Variants in PRH1 observed in about 807,000 individuals in gnomAD.
PRH1 encodes the protein proline rich protein HaeIII subfamily 1, also known as salivary acidic proline-rich phosphoprotein 1/2.
In PRH1, 7 loss-of-function variants were observed where a neutral mutation model predicts 7.9. That is an observed-to-expected ratio of 0.89 (90% CI 0.50 to 1.67). The LOEUF is 1.67. Among genes scored for constraint, PRH1 ranks in the 40% most tolerant of loss-of-function variants. The probability of loss-of-function intolerance (pLI) is 0.00; values close to 1 mark genes in which losing one functional copy is unlikely to be tolerated. For missense variants in PRH1, 109 were observed against 223.6 expected (o/e 0.49, Z 3.27); for synonymous variants, 45 against 80.8 (o/e 0.56, Z 2.38).
intron 1 of PRH1, among the ~76,000 whole-genome samples, chr12:11,076,325 T>C (rs1337278611): frequency 1.8e-5 from 2 of 110,716 alleles, no homozygotes; most frequent in Non-Finnish European, 4.2e-5. Context: ...AATATATAGA[T>C]TTCACAGATA....
chr12:11,075,759 G>C (rs1280233988), intron 1 of PRH1, among the ~76,000 whole-genome samples: 1 of 143,824 alleles, frequency 7.0e-6, no homozygotes, highest in African/African-American at 2.5e-5. Flanking sequence ...TCTGAGAAAT[G>C]CTTCTTCTTT....
Position 11,162,743 on chromosome 12 carries a change from G to A in PRH1, n.39+8679C>T, listed in dbSNP as rs538547955. Among the ~76,000 whole-genome samples the A allele has an allele frequency of 3.3e-5, 5 of 152,268 alleles. No homozygotes were observed. The East Asian group carries it at 9.7e-4, about 29-fold the overall frequency. On this transcript the variant is annotated intron_variant and non_coding_transcript_variant, in intron 1 of 1. Transcript: ENST00000541175. ...CTGAGTTCTTGCCACTGGAGCTTGA[G>A]AAGTGATGTGTGAAAACTCTATGTC...
chr12:10,928,050 T>C lies in PRH1; in HGVS notation c.-58-43775A>G, dbSNP rs576068377. On this transcript the variant is annotated intron_variant, in intron 2 of 3. Transcript: ENST00000539853. ...GTACCATACACCATTGCTTAGAAGA[T>C]TAAATAAATGTCATCTCCCACAAGT... 2.6e-5 allele frequency among the ~76,000 whole-genome samples: 4 copies of C among 152,166 alleles called. No homozygotes were observed. The East Asian group carries it at 5.8e-4, about 22-fold the overall frequency.
At chr12:11,168,515 TA>T (rs1342765398) in intron 1 of PRH1, among the ~76,000 whole-genome samples, 2 of 152,098 alleles carry the variant, frequency 1.3e-5, no homozygotes, top group Non-Finnish European at 2.9e-5. Flanking sequence ...TTTTTCCTAA[TA>T]CAAAAAAGTT....
At chr12:11,145,525 T>G (rs752584280) in intron 1 of PRH1, among the ~76,000 whole-genome samples, 43 of 152,292 alleles carry the variant, frequency 2.8e-4, no homozygotes, top group Middle Eastern at 3.4e-3. Flanking sequence ...TGTTCCTCAC[T>G]GATACATAAT....
intron 1 of PRH1, among the ~76,000 whole-genome samples, chr12:11,006,888 T>C (rs1376884149): frequency 6.6e-6 from 1 of 152,118 alleles, no homozygotes; most frequent in African/African-American, 2.4e-5. Context: ...CTGTCTGTTC[T>C]TGCTATACGC....
chr12:10,950,017 TG>T (rs1467540728), intron 2 of PRH1, among the ~76,000 whole-genome samples: 1 of 152,178 alleles, frequency 6.6e-6, no homozygotes, highest in Non-Finnish European at 1.5e-5. Flanking sequence ...CTCTCACATC[TG>T]TATTAGCTAT....
In PRH1 at chr12:11,153,526, T is replaced by A. The variant is rs1947165357; in HGVS notation, n.39+17896A>T. On this transcript the variant is annotated intron_variant and non_coding_transcript_variant, in intron 1 of 1. Coordinates refer to the PRH1 transcript ENST00000541175. ...TGGAGGATCTTGAACCCCTAAATTC[T>A]GCTGGTGCACCGTTGCCAGGAGATG... Among the ~76,000 whole-genome samples, 10 of 152,164 alleles carry A rather than the reference T, an allele frequency of 6.6e-5. No homozygotes were observed. The South Asian group carries it at 2.1e-3, about 32-fold the overall frequency.
intron 1 of PRH1, among the ~76,000 whole-genome samples, chr12:11,099,002 C>G (rs1437296003): frequency 6.6e-6 from 1 of 151,962 alleles, no homozygotes; most frequent in Admixed American, 6.6e-5. Context: ...AATTCTTAGG[C>G]CTTTGGTAAA....
At chr12:11,101,768 A>C (rs1945257571) in intron 1 of PRH1, among the ~76,000 whole-genome samples, 1 of 152,220 alleles carries the variant, frequency 6.6e-6, no homozygotes, top group South Asian at 2.1e-4. Flanking sequence ...AAGAAAATAG[A>C]ATTTGCCATT....
intron 1 of PRH1, among the ~76,000 whole-genome samples, chr12:11,100,095 T>A (rs189254293): frequency 1.3e-5 from 2 of 152,148 alleles, no homozygotes; most frequent in African/African-American, 4.8e-5. Context: ...AGATGAGTAA[T>A]AATAATTTCT....
chr12:11,039,277 C>A (rs1942594210), intron 1 of PRH1, among the ~76,000 whole-genome samples: 1 of 152,166 alleles, frequency 6.6e-6, no homozygotes, highest in South Asian at 2.1e-4. Context: ...CCTAAGTGTG[C>A]AGTAATGTTG....
chr12:11,105,189 G>A (rs1017226267), intron 1 of PRH1, among the ~76,000 whole-genome samples: 1 of 151,844 alleles, frequency 6.6e-6, no homozygotes, highest in Admixed American at 6.6e-5. Flanking sequence ...ACTCTTAAAA[G>A]GACTCAAAGA....
At chr12:10,982,819 G>A (rs1259703316) in intron 1 of PRH1, among the ~76,000 whole-genome samples, 1 of 151,506 alleles carries the variant, frequency 6.6e-6, no homozygotes, top group Non-Finnish European at 1.5e-5. Flanking sequence ...AATGCTTCTG[G>A]TCCTTTTGTC....
intron 1 of PRH1, among the ~76,000 whole-genome samples, chr12:11,003,989 C>T (rs751442723): frequency 5.5e-4 from 83 of 152,062 alleles, no homozygotes; most frequent in Non-Finnish European, 9.7e-4. Context: ...GCTATTAAAA[C>T]TCAGCGATAT....
chr12:11,161,577 G>C lies in PRH1; in HGVS notation n.39+9845C>G, dbSNP rs557936081. ...GTTGTTCTCCAAAATATTTTAGCAAGATATTATGAGAAGATGAGAAAGGAA... is the reference window on the plus strand; with the variant it reads ...GTTGTTCTCCAAAATATTTTAGCAACATATTATGAGAAGATGAGAAAGGAA... On this transcript the variant is annotated intron_variant and non_coding_transcript_variant, in intron 1 of 1. Transcript: ENST00000541175. 3.9e-4 allele frequency among the ~76,000 whole-genome samples: 59 copies of C among 152,282 alleles called. No homozygotes were observed. In the South Asian group the frequency reaches 0.012, roughly 31 times the overall value.
At chr12:11,155,130 A>T (rs1267672876) in intron 1 of PRH1, among the ~76,000 whole-genome samples, 1 of 152,204 alleles carries the variant, frequency 6.6e-6, no homozygotes, top group Admixed American at 6.5e-5. Context: ...CCAGGCAGTA[A>T]CACTCGATCT....
intron 1 of PRH1, chr12:11,062,044 G>C (rs1286637750): frequency 6.2e-7 from 1 of 1,613,732 alleles, no homozygotes; most frequent in South Asian, 1.1e-5. Flanking sequence ...GACATTGTAA[G>C]CAGTAATTCT....
In PRH1 at chr12:11,016,479, C is replaced by T. The variant is rs1052103117; in HGVS notation, c.-126+30541G>A. ...GGACTACAGGTGAGTACCACCATGCCAAACTAATTTTTTGTTGTTGTTTTT... is the reference window on the plus strand; with the variant it reads ...GGACTACAGGTGAGTACCACCATGCTAAACTAATTTTTTGTTGTTGTTTTT... On this transcript the variant is annotated intron_variant, in intron 1 of 3. Coordinates refer to the PRH1 transcript ENST00000539853. Among the ~76,000 whole-genome samples the T allele has an allele frequency of 2.9e-4, 44 of 152,152 alleles. 1 individual carries two copies. Among genetic ancestry groups the T allele is most frequent in the African/African-American group, 8.7e-4 (36 of 41,424 alleles).
Sources: allele counts gnomAD v4.1 joint callset (sites outside exome capture counted in the v4.1 genomes callset), GRCh38; gene constraint gnomAD v4.1.1; transcripts MANE v1.5; gene names NCBI Gene and HGNC (gene_info 2026-07-23, HGNC 2026-07-21).